The following SLC10A7 variants were observed in gnomAD, a reference collection of about 807,000 sequenced individuals.
SLC10A7 encodes solute carrier family 10 member 7.
A neutral mutation model predicts 43.2 loss-of-function variants in SLC10A7; 29 were observed. The observed-to-expected ratio is 0.67, with a 90% CI of 0.50 to 0.92. The LOEUF is 0.92. Among genes scored for constraint, SLC10A7 ranks in the 40% least tolerant of loss-of-function variants. The probability of loss-of-function intolerance (pLI) is 0.00; values close to 1 mark genes in which losing one functional copy is unlikely to be tolerated. For synonymous variants in SLC10A7, 152 were observed against 144.8 expected (o/e 1.05, Z -0.35); for missense variants, 295 against 403.2 (o/e 0.73, Z 2.30).
At chr4:146,464,831 G>T (rs560490521) in intron 4 of SLC10A7, among the ~76,000 whole-genome samples, 7 of 152,258 alleles carry the variant, frequency 4.6e-5, no homozygotes, top group Non-Finnish European at 1.0e-4. Context: ...TAAAGCCACA[G>T]ACGGTATCTT....
chr4:146,480,708 T>C (rs1391463216), intron 4 of SLC10A7, among the ~76,000 whole-genome samples: 7 of 152,080 alleles, frequency 4.6e-5, no homozygotes, highest in Admixed American at 4.6e-4. Context: ...TAGATAAATA[T>C]GACATTTCAG....
chr4:146,373,789 T>A (rs1391175793), intron 5 of SLC10A7, among the ~76,000 whole-genome samples: 2 of 152,180 alleles, frequency 1.3e-5, no homozygotes, highest in East Asian at 3.8e-4. Flanking sequence ...AATGATTTTT[T>A]TTAAACCACC....
intron 6 of SLC10A7, among the ~76,000 whole-genome samples, chr4:146,320,859 G>A (rs1035537147): frequency 2.6e-5 from 4 of 151,944 alleles, no homozygotes; most frequent in Non-Finnish European, 2.9e-5. Flanking sequence ...TATGGAGAAC[G>A]CATGGGAAAT....
At chr4:146,478,400 CTT>C (rs1185541487) in intron 4 of SLC10A7, 1 of 152,120 alleles carries the variant, frequency 6.6e-6, no homozygotes, top group African/African-American at 2.4e-5. Context: ...CTTAGGAGCT[CTT>C]CTGTTCTGTG....
chr4:146,503,672 T>A (rs1296332315), intron 4 of SLC10A7, among the ~76,000 whole-genome samples, 177 bp downstream of exon 4: 1 of 152,178 alleles, frequency 6.6e-6, no homozygotes, highest in Non-Finnish European at 1.5e-5. Flanking sequence ...CTAAATTCCA[T>A]CCATCATAAT....
intron 4 of SLC10A7, among the ~76,000 whole-genome samples, chr4:146,453,470 C>A (rs759187903): frequency 6.6e-6 from 1 of 151,864 alleles, no homozygotes. Context: ...TCTTAAGGGG[C>A]CTATTAATCT....
intron 5 of SLC10A7, among the ~76,000 whole-genome samples, chr4:146,435,149 T>C (rs976641968): frequency 6.6e-6 from 1 of 152,236 alleles, no homozygotes; most frequent in South Asian, 2.1e-4. Context: ...ATGATTTTTT[T>C]ATTTCAAACT....
intron 5 of SLC10A7, among the ~76,000 whole-genome samples, chr4:146,406,543 T>A (rs1206377789): frequency 1.3e-5 from 2 of 152,198 alleles, no homozygotes; most frequent in Non-Finnish European, 2.9e-5. Context: ...CTCCACACTC[T>A]GCTATGAACA....
chr4:146,432,520 T>C (rs1729853274), intron 5 of SLC10A7, among the ~76,000 whole-genome samples: 1 of 152,048 alleles, frequency 6.6e-6, no homozygotes, highest in Non-Finnish European at 1.5e-5. Context: ...TGTGATTCCA[T>C]TTAGATGACT....
chr4:146,472,698 T>C (rs578061712), intron 4 of SLC10A7, among the ~76,000 whole-genome samples: 1 of 152,306 alleles, frequency 6.6e-6, no homozygotes, highest in Admixed American at 6.5e-5. Flanking sequence ...CAGCTAGAGC[T>C]AGCTCAACAG....
intron 4 of SLC10A7, among the ~76,000 whole-genome samples, chr4:146,452,124 T>TA (rs940717158): frequency 3.0e-4 from 45 of 152,168 alleles, no homozygotes; most frequent in Admixed American, 1.5e-3. Context: ...ATCAGATAAA[T>TA]AAAAAACTAT....
intron 5 of SLC10A7, among the ~76,000 whole-genome samples, chr4:146,330,314 A>C (rs1050514082): frequency 6.6e-6 from 1 of 152,242 alleles, no homozygotes; most frequent in African/African-American, 2.4e-5. Context: ...AAGTGAAATT[A>C]TGAAATTTTT....
intron 5 of SLC10A7, among the ~76,000 whole-genome samples, chr4:146,427,900 GT>G (rs1729486686): frequency 6.6e-6 from 1 of 152,134 alleles, no homozygotes; most frequent in Non-Finnish European, 1.5e-5. Context: ...GCCAAACGCA[GT>G]GGCTCATACC....
At chr4:146,487,778 G>C (rs1735049461) in intron 4 of SLC10A7, among the ~76,000 whole-genome samples, 1 of 152,158 alleles carries the variant, frequency 6.6e-6, no homozygotes, top group African/African-American at 2.4e-5. Context: ...AGATATGGTA[G>C]CTCACATCTG....
At position 146,283,172 on chromosome 4, in the gene SLC10A7, T is replaced by A. The variant is rs949463247; in HGVS notation, c.847+20A>T. The A allele has an allele frequency of 6.3e-7, 1 of 1,596,726 alleles. No individual in the cohort carries two copies. Among genetic ancestry groups the A allele is most frequent in the African/African-American group, 1.3e-5 (1 of 74,604 alleles). ...CTATATGAGGGTAATAGGTGGTTTT[T>A]AACTCTGTGAATCACTTACCCAATG... On this transcript the variant is annotated intron_variant, in intron 10 of 11. Transcript: ENST00000335472.
At chr4:146,299,339 G>A (rs1355746952) in intron 7 of SLC10A7, among the ~76,000 whole-genome samples, 1 of 152,172 alleles carries the variant, frequency 6.6e-6, no homozygotes, top group African/African-American at 2.4e-5. Context: ...ATTAAACTAG[G>A]TAGACAAAGT....
At chr4:146,428,669 T>TA (rs1211485252) in intron 5 of SLC10A7, among the ~76,000 whole-genome samples, 3 of 152,144 alleles carry the variant, frequency 2.0e-5, no homozygotes, top group Non-Finnish European at 4.4e-5. Context: ...TTCTTTAGGA[T>TA]ACTGTACAGT....
intron 6 of SLC10A7, among the ~76,000 whole-genome samples, chr4:146,312,126 G>T (rs72950636): frequency 0.017 from 2,563 of 152,244 alleles, 67 homozygotes; most frequent in East Asian, 0.086. Context: ...ATATGTTTAG[G>T]AGAGGAAAGT....
intron 9 of SLC10A7, 110 bp downstream of exon 9, chr4:146,292,819 C>T (rs1578805723): frequency 4.2e-6 from 3 of 706,094 alleles, no homozygotes; most frequent in Admixed American, 3.2e-5. Flanking sequence ...AGGAGAAAAA[C>T]ATATGTAAAA....
Sources: allele counts gnomAD v4.1 joint callset (sites outside exome capture counted in the v4.1 genomes callset), GRCh38; gene constraint gnomAD v4.1.1; transcripts MANE v1.5; gene names NCBI Gene and HGNC (gene_info 2026-07-23, HGNC 2026-07-21).